TMEFF1: variants seen among roughly 807,000 people sequenced by gnomAD.
The protein encoded by TMEFF1 is tomoregulin-1.
TMEFF1 carries 20 observed loss-of-function variants against 47.5 expected under a neutral mutation model. The observed-to-expected ratio is 0.42, with a 90% confidence interval of 0.30 to 0.61. TMEFF1 has a LOEUF of 0.61. Ranked by LOEUF, TMEFF1 falls within the 20% of genes least tolerant of loss-of-function variation. TMEFF1 has a pLI of 0.19. For missense variants in TMEFF1, 411 were observed against 471.1 expected (o/e 0.87, Z 1.18); for synonymous variants, 162 against 166.3 (o/e 0.97, Z 0.20).
intron 7 of TMEFF1, among the ~76,000 whole-genome samples, chr9:100,560,446 G>A (rs1015246212): frequency 1.3e-5 from 2 of 152,060 alleles, no homozygotes; most frequent in African/African-American, 2.4e-5. Flanking sequence ...TAAATATTGC[G>A]GAATTCTGGG....
intron 5 of TMEFF1, among the ~76,000 whole-genome samples, chr9:100,525,540 C>T (rs1838239258): frequency 6.6e-6 from 1 of 152,086 alleles, no homozygotes; most frequent in Non-Finnish European, 1.5e-5. Context: ...CCGAGATGTG[C>T]TCCCTCACCG....
chr9:100,509,502 G>A (rs375641655), intron 3 of TMEFF1, among the ~76,000 whole-genome samples: 2 of 152,218 alleles, frequency 1.3e-5, no homozygotes, highest in African/African-American at 2.4e-5. Context: ...GGTCGGGTGC[G>A]GTGGCTCACG....
rs142994296 is a variant in TMEFF1, at chr9:100,515,020, A to T, written c.464-1655A>T. On this transcript the variant is annotated intron_variant, in intron 4 of 9. Transcript: ENST00000374879. ...AAAAAATAAAAAAATAAAAAAATTTAAAAAAGCCAGGTGTGGTGGTATGTA... is the reference window on the plus strand; with the variant it reads ...AAAAAATAAAAAAATAAAAAAATTTTAAAAAGCCAGGTGTGGTGGTATGTA... Among the ~76,000 whole-genome samples the T allele has an allele frequency of 4.4e-3, 663 of 152,028 alleles. 6 individuals are homozygous for T. Among genetic ancestry groups the T allele is most frequent in the African/African-American group, 0.015 (605 of 41,460 alleles).
At chr9:100,478,124 A>C (rs568140440) in intron 1 of TMEFF1, among the ~76,000 whole-genome samples, 3 of 152,268 alleles carry the variant, frequency 2.0e-5, no homozygotes, top group African/African-American at 7.2e-5. Context: ...GTATTCTGTT[A>C]CTGTCCCCTA....
At chr9:100,561,665 C>G (rs1323698576) in intron 8 of TMEFF1, 145 bp downstream of exon 8, 68 of 1,225,258 alleles carry the variant, frequency 5.5e-5, no homozygotes, top group Non-Finnish European at 6.7e-5. Flanking sequence ...TCAGCAGCAT[C>G]ATTTGGAAAA....
chr9:100,489,221 C>A (rs536691413), intron 1 of TMEFF1, among the ~76,000 whole-genome samples: 65 of 151,944 alleles, frequency 4.3e-4, no homozygotes, highest in African/African-American at 1.5e-3. Context: ...TTTCCTTTTT[C>A]TTTTTTTTGG....
chr9:100,500,562 A>C (rs890429248), intron 2 of TMEFF1, among the ~76,000 whole-genome samples: 1 of 151,858 alleles, frequency 6.6e-6, no homozygotes, highest in African/African-American at 2.4e-5. Flanking sequence ...TAGATTTTTT[A>C]TGTTTAGAAT....
chr9:100,564,675 G>A (rs1194733326), intron 8 of TMEFF1, among the ~76,000 whole-genome samples: 1 of 152,182 alleles, frequency 6.6e-6, no homozygotes, highest in Non-Finnish European at 1.5e-5. Context: ...CAGGAGCTTG[G>A]CTTTTATTTT....
At chr9:100,572,488 C>A in intron 8 of TMEFF1, 30 bp from the exon 9 acceptor site, 1 of 1,505,874 alleles carries the variant, frequency 6.6e-7, no homozygotes, top group Admixed American at 2.3e-5. Context: ...TTGTAATTTT[C>A]ATAGGAATAT....
chr9:100,505,574 T>C (rs1837845642), intron 2 of TMEFF1, among the ~76,000 whole-genome samples: 1 of 152,188 alleles, frequency 6.6e-6, no homozygotes, highest in African/African-American at 2.4e-5. Flanking sequence ...GAAAGTCTTG[T>C]CAAAATTCCT....
intron 5 of TMEFF1, among the ~76,000 whole-genome samples, chr9:100,547,177 G>C (rs1470370700): frequency 6.6e-6 from 1 of 151,952 alleles, no homozygotes; most frequent in Non-Finnish European, 1.5e-5. Context: ...CACTGTGCCT[G>C]GCTAAGTTTT....
intron 5 of TMEFF1, among the ~76,000 whole-genome samples, chr9:100,544,794 G>C (rs1037667806): frequency 4.6e-5 from 7 of 152,364 alleles, no homozygotes; most frequent in Admixed American, 4.6e-4. Context: ...GATACAAAGG[G>C]AGTACAGGCA....
intron 7 of TMEFF1, among the ~76,000 whole-genome samples, chr9:100,559,898 CTGATTTCTCTCTGCTTTAG>C (rs1418935782): frequency 6.6e-6 from 1 of 152,006 alleles, no homozygotes; most frequent in Non-Finnish European, 1.5e-5. Context: ...TCATTTTGGT[CTGATTTCTCTCTGCTTTAG>C]TTCCACTGTC....
chr9:100,473,672 C>A lies in TMEFF1; in HGVS notation c.128C>A (p.Pro43His). ...CCCGGGAGCCGCGCGTCCAACCAGC[C>A]CCCGGGTGGTGGCGGCGGCAGCGGC... ...SLPGSRASNQ[P>H]PGGGGGSGGD... Residue 43 changes from proline (P) to histidine (H), a missense_variant, in exon 1 of 10, where the codon CCC becomes CAC. By Grantham distance (77) the Pro-to-His change is moderately conservative (BLOSUM62 -2). Coordinates refer to ENST00000374879, the MANE Select transcript of TMEFF1 (RefSeq NM_003692.5). The surrounding 1 kb of genome is among the most constrained non-coding windows in gnomAD (Gnocchi z 5.4). The A allele has an allele frequency of 1.3e-6, 2 of 1,544,094 alleles. No individual in the cohort carries two copies. Among genetic ancestry groups the A allele is most frequent in the Non-Finnish European group, 8.7e-7 (1 of 1,144,510 alleles).
Position 100,473,443 on chromosome 9 carries a change from G to T in TMEFF1, c.-102G>T. The T allele has an allele frequency of 2.2e-6, 2 of 927,118 alleles. No individual in the cohort carries two copies. Among genetic ancestry groups the T allele is most frequent in the Non-Finnish European group, 2.8e-6 (2 of 713,170 alleles). 57.4% of individuals were successfully genotyped at this position (927,118 alleles called of 1,614,324 possible). A position where few individuals can be genotyped will look rare whatever the true frequency, so the allele number is the denominator to read the frequency against. On this transcript the variant is annotated 5_prime_UTR_variant, in exon 1 of 10. Transcript: ENST00000374879. This position sits in a 1 kb window ranked among gnomAD's most constrained non-coding sequence, Gnocchi z 5.4. ...GGGCTGCTCCCCGGCTCAGCGGCGCGGCTGCTAGGAGGCACCGAGGCAGCG... is the reference window on the plus strand; with the variant it reads ...GGGCTGCTCCCCGGCTCAGCGGCGCTGCTGCTAGGAGGCACCGAGGCAGCG...
intron 1 of TMEFF1, among the ~76,000 whole-genome samples, chr9:100,484,320 ATT>A (rs773147004): frequency 2.8e-5 from 4 of 141,988 alleles, no homozygotes; most frequent in African/African-American, 2.6e-5. Flanking sequence ...GGAACTTTAC[ATT>A]TTTTTTTTTT....
intron 1 of TMEFF1, among the ~76,000 whole-genome samples, chr9:100,489,095 T>A (rs1302382433): frequency 6.6e-6 from 1 of 152,222 alleles, no homozygotes; most frequent in African/African-American, 2.4e-5. Flanking sequence ...CATCCCCTGG[T>A]AACCACATAG....
rs765405255 is a variant in TMEFF1 at position 100,516,657 on chromosome 9, A to G, written c.464-18A>G. 3.1e-6 allele frequency: 5 copies of G among 1,605,738 alleles called. No individual in the cohort carries two copies. In the Admixed American group the frequency reaches 6.9e-5, roughly 22 times the overall value. On this transcript the variant is annotated intron_variant, in intron 4 of 9. Transcript: ENST00000374879. The stretch of plus-strand genomic sequence containing the variant: ...ATCCCAACTTTTGGTTGTAAATTTG[A>G]TTTTTCTTTTTAAACAGAAGAGGAA...
intron 5 of TMEFF1, among the ~76,000 whole-genome samples, chr9:100,547,494 T>C (rs1838757929): frequency 6.6e-6 from 1 of 152,248 alleles, no homozygotes; most frequent in Admixed American, 6.5e-5. Flanking sequence ...TGACATCTCC[T>C]GATTACTTTA....
Sources: gnomAD v4.1 joint callset for allele counts (sites outside exome capture counted in the v4.1 genomes callset) on GRCh38, gnomAD v4.1.1 for gene constraint, Gnocchi (gnomAD v3.1) non-coding constraint, MANE v1.5 for transcripts, NCBI Gene and HGNC (gene_info 2026-07-23, HGNC 2026-07-21) for gene names.